Variants in LRFN5 observed in about 807,000 individuals in gnomAD.
LRFN5 encodes leucine-rich repeat and fibronectin type-III domain-containing protein 5.
A neutral mutation model predicts 45.6 loss-of-function variants in LRFN5; 24 were observed. That is an observed-to-expected ratio of 0.53 (90% CI 0.38 to 0.74). LRFN5 has a LOEUF of 0.74. LRFN5 is among the 30% of genes least tolerant of loss of function. The pLI, the probability that LRFN5 is intolerant of heterozygous loss-of-function variation, is 0.00. For synonymous variants in LRFN5, 340 were observed against 313.8 expected, an observed-to-expected ratio of 1.08 and a Z score of -0.88; for missense variants, 776 against 861.5, an observed-to-expected ratio of 0.90 and a Z score of 1.24.
chr14:41,755,912 C>T (rs1197791225), intron 1 of LRFN5, among the ~76,000 whole-genome samples: 2 of 152,256 alleles, frequency 1.3e-5, no homozygotes, highest in South Asian at 2.1e-4. Context: ...ACCGGATGTT[C>T]CTTTCCACGT....
chr14:41,761,967 T>G (rs1885689154), intron 1 of LRFN5, among the ~76,000 whole-genome samples: 1 of 152,044 alleles, frequency 6.6e-6, no homozygotes, highest in African/African-American at 2.4e-5. Context: ...TAAATTATAA[T>G]AATACATTTT....
At chr14:41,701,521 G>C (rs1882840675) in intron 1 of LRFN5, 1 of 152,210 alleles carries the variant, frequency 6.6e-6, no homozygotes, top group Non-Finnish European at 1.5e-5. Context: ...TCAGGCCGAA[G>C]TGGGTTCATC....
chr14:41,826,604 C>T (rs28603144), intron 2 of LRFN5, among the ~76,000 whole-genome samples: 74,370 of 151,830 alleles, frequency 0.49, 18,877 homozygotes, highest in African/African-American at 0.58. Flanking sequence ...AGAAATGTTT[C>T]GATGTTGAAT....
At chr14:41,702,397 T>C (rs1433560664) in intron 1 of LRFN5, among the ~76,000 whole-genome samples, 1 of 152,162 alleles carries the variant, frequency 6.6e-6, no homozygotes, top group Non-Finnish European at 1.5e-5. Context: ...TCAATAATTC[T>C]GGTTATAATT....
chr14:41,650,414 G>GA (rs1156437022), intron 1 of LRFN5, among the ~76,000 whole-genome samples: 1 of 152,128 alleles, frequency 6.6e-6, no homozygotes, highest in African/African-American at 2.4e-5. Flanking sequence ...TGTAATAGGT[G>GA]AAATGGTTGA....
chr14:41,841,354 T>C (rs1888852817), intron 2 of LRFN5, among the ~76,000 whole-genome samples: 1 of 151,902 alleles, frequency 6.6e-6, no homozygotes, highest in African/African-American at 2.4e-5. Context: ...TAGTTCGAAA[T>C]TTAGGGCTGT....
intron 3 of LRFN5, among the ~76,000 whole-genome samples, chr14:41,888,239 T>C (rs1890650280): frequency 6.6e-6 from 1 of 152,136 alleles, no homozygotes; most frequent in African/African-American, 2.4e-5. Flanking sequence ...ACTTACTTTT[T>C]TCCCCCTCAT....
intron 1 of LRFN5, among the ~76,000 whole-genome samples, chr14:41,727,740 A>G (rs1331169427): frequency 1.3e-5 from 2 of 152,204 alleles, no homozygotes; most frequent in Non-Finnish European, 2.9e-5. Context: ...AAACAATTTC[A>G]ACAAAACATT....
chr14:41,788,261 A>G (rs1886798511), intron 2 of LRFN5, among the ~76,000 whole-genome samples: 1 of 152,076 alleles, frequency 6.6e-6, no homozygotes, highest in Admixed American at 6.6e-5. Flanking sequence ...TGTTCATTAT[A>G]TCTCTGAATA....
intron 1 of LRFN5, among the ~76,000 whole-genome samples, chr14:41,711,971 A>G (rs1883302994): frequency 6.6e-6 from 1 of 152,220 alleles, no homozygotes; most frequent in Admixed American, 6.5e-5. Context: ...AAAGAGCTAA[A>G]TGACACTTCA....
chr14:41,871,173 A>G (rs1035782005), intron 2 of LRFN5, among the ~76,000 whole-genome samples: 2 of 152,218 alleles, frequency 1.3e-5, no homozygotes, highest in African/African-American at 4.8e-5. Flanking sequence ...AGTAGATACT[A>G]GATTTATCTC....
intron 2 of LRFN5, among the ~76,000 whole-genome samples, chr14:41,808,237 AT>A (rs1887593559): frequency 3.0e-5 from 3 of 99,884 alleles, no homozygotes; most frequent in African/African-American, 3.7e-5. Context: ...GAAGGAAGGA[AT>A]TGAGGGAGGG....
intron 1 of LRFN5, among the ~76,000 whole-genome samples, chr14:41,666,048 C>T (rs1193412192): frequency 1.3e-5 from 2 of 151,850 alleles, no homozygotes; most frequent in Admixed American, 6.6e-5. Context: ...GACCATTTCT[C>T]CTTTAAATTT....
chr14:41,688,671 AAAAAC>A (rs1393274416), intron 1 of LRFN5, among the ~76,000 whole-genome samples: 2 of 150,546 alleles, frequency 1.3e-5, no homozygotes, highest in African/African-American at 5.0e-5. Flanking sequence ...CAATGGGAAA[AAAAAC>A]AAAACAAAAC....
chr14:41,855,690 G>A (rs572173482), intron 2 of LRFN5, among the ~76,000 whole-genome samples: 7 of 150,270 alleles, frequency 4.7e-5, no homozygotes, highest in African/African-American at 1.7e-4. Context: ...CTAGCAAGCT[G>A]AATAAACATT....
chr14:41,717,709 T>G (rs183915191), intron 1 of LRFN5, among the ~76,000 whole-genome samples: 28 of 152,308 alleles, frequency 1.8e-4, no homozygotes, highest in African/African-American at 6.7e-4. Context: ...CTACACTGTG[T>G]TAAATCCTGA....
chr14:41,897,906 A>G (rs1338060854), intron 4 of LRFN5, among the ~76,000 whole-genome samples: 2 of 152,148 alleles, frequency 1.3e-5, no homozygotes, highest in Non-Finnish European at 2.9e-5. Context: ...GGCTATGTAC[A>G]TATTATGTTT....
At chr14:41,847,583 C>G (rs1199396152) in intron 2 of LRFN5, among the ~76,000 whole-genome samples, 2 of 152,016 alleles carry the variant, frequency 1.3e-5, no homozygotes, top group Admixed American at 6.6e-5. Context: ...TGATTATGCT[C>G]TCACTATATT....
chr14:41,617,808 GTAAT>G (rs1278835624), intron 1 of LRFN5, among the ~76,000 whole-genome samples: 1 of 152,118 alleles, frequency 6.6e-6, no homozygotes, highest in Admixed American at 6.6e-5. Context: ...TATGCTGTAA[GTAAT>G]AAATAAATGT....
Sources: gnomAD v4.1 joint callset for allele counts (sites outside exome capture counted in the v4.1 genomes callset) on GRCh38, gnomAD v4.1.1 for gene constraint, MANE v1.5 for transcripts, NCBI Gene and HGNC (gene_info 2026-07-23, HGNC 2026-07-21) for gene names.